The following KLHDC10 variants were observed in gnomAD, a reference collection of about 807,000 sequenced individuals.
KLHDC10 encodes kelch domain containing 10.
In KLHDC10, 24 loss-of-function variants were observed where a neutral mutation model predicts 56.1. That is an observed-to-expected ratio of 0.43 (90% CI 0.31 to 0.60). KLHDC10 has a LOEUF of 0.60. Among genes scored for constraint, KLHDC10 ranks in the 20% least tolerant of loss-of-function variants. KLHDC10 has a pLI of 0.11. For synonymous variants in KLHDC10, 188 were observed against 207.1 expected, an observed-to-expected ratio of 0.91 and a Z score of 0.79; for missense variants, 349 against 567.0, an observed-to-expected ratio of 0.62 and a Z score of 3.91.
intron 1 of KLHDC10, among the ~76,000 whole-genome samples, chr7:130,093,582 A>G: frequency 6.6e-6 from 1 of 152,188 alleles, no homozygotes; most frequent in Non-Finnish European, 1.5e-5. Flanking sequence ...CACTTTGAAT[A>G]TATAAAAATT....
chr7:130,081,830 T>C (rs1220437577), intron 1 of KLHDC10, among the ~76,000 whole-genome samples: 1 of 152,260 alleles, frequency 6.6e-6, no homozygotes, highest in Admixed American at 6.5e-5. Context: ...ATTTCATTTC[T>C]GCGTTGGTTT....
At chr7:130,103,449 C>A (rs979538551) in intron 2 of KLHDC10, among the ~76,000 whole-genome samples, 1 of 150,266 alleles carries the variant, frequency 6.7e-6, no homozygotes, top group South Asian at 2.1e-4. Context: ...TGAGTTTTCA[C>A]GTATAAAGGG....
intron 1 of KLHDC10, among the ~76,000 whole-genome samples, chr7:130,077,624 T>C (rs1795532141): frequency 6.8e-6 from 1 of 148,086 alleles, no homozygotes; most frequent in Admixed American, 6.7e-5. Context: ...GGCACCATCT[T>C]GGCTCACTGC....
At chr7:130,124,044 A>G (rs1198712920) in intron 5 of KLHDC10, among the ~76,000 whole-genome samples, 1 of 152,232 alleles carries the variant, frequency 6.6e-6, no homozygotes, top group Non-Finnish European at 1.5e-5. Context: ...ATCACAAAAG[A>G]TTATAGAAAA....
At chr7:130,119,461 G>A (rs905014744) in intron 3 of KLHDC10, among the ~76,000 whole-genome samples, 1 of 150,288 alleles carries the variant, frequency 6.7e-6, no homozygotes, top group African/African-American at 2.5e-5. Context: ...GCAGTAAGCC[G>A]TGATCGTGTC....
intron 1 of KLHDC10, among the ~76,000 whole-genome samples, chr7:130,076,286 C>T (rs557528342): frequency 2.6e-4 from 39 of 152,168 alleles, no homozygotes; most frequent in Middle Eastern, 6.8e-3. Context: ...GGCCATGGAC[C>T]GGTACCAGGG....
chr7:130,134,630 C>T lies in KLHDC10; in HGVS notation c.*3884C>T, dbSNP rs1251786772. ...TGTTGGTCTTCGTATTCTGTAAAAC[C>T]CATTTTTTTTTTGTGGTCTTACAGA... is the stretch of plus-strand genomic sequence containing the variant. On this transcript the variant is annotated 3_prime_UTR_variant, in exon 10 of 10. Coordinates refer to ENST00000335420, the MANE Select transcript of KLHDC10 (RefSeq NM_014997.4). 1 of 131,882 alleles carries T rather than the reference C, an allele frequency of 7.6e-6. No individual in the cohort carries two copies. The highest frequency in any genetic ancestry group is 2.5e-5 in the African/African-American group (1 of 39,972). The allele number at this position is 131,882 out of a possible 1,614,324, so 8.2% of individuals were successfully genotyped here.
Position 130,070,773 on chromosome 7 carries a change from C to G in KLHDC10, c.130C>G (p.Arg44Gly). 2 of 1,308,292 alleles carry G rather than the reference C, an allele frequency of 1.5e-6. No homozygotes were observed. Among genetic ancestry groups the G allele is most frequent in the Non-Finnish European group, 1.9e-6 (2 of 1,026,376 alleles). 81.0% of individuals were successfully genotyped at this position (1,308,292 alleles called of 1,614,324 possible). The change falls in exon 1 of 10, where the codon CGC becomes GGC. Residue 44 changes from arginine to glycine, a missense_variant. Transcript: ENST00000335420. ...SGGRGTGQLN[R>G]FVQLSGRPHL... The stretch of plus-strand genomic sequence containing the variant: ...GGGTCGGGGGACTGGCCAGCTCAAC[C>G]GCTTCGTGCAACTCTCCGGGCGGCC...
rs943430933 is a variant in KLHDC10, at chr7:130,131,340, C to T, written c.*594C>T. On this transcript the variant is annotated 3_prime_UTR_variant, in exon 10 of 10. Coordinates refer to ENST00000335420, the MANE Select transcript of KLHDC10 (RefSeq NM_014997.4). ...TGTTGCACAGATAACTCAAACCTACCCTTTGGCTTTGAAGGAAGGTTAAGC... is the reference window on the plus strand; with the variant it reads ...TGTTGCACAGATAACTCAAACCTACTCTTTGGCTTTGAAGGAAGGTTAAGC... 2 of 152,804 alleles carry T rather than the reference C, an allele frequency of 1.3e-5. No homozygotes were observed. The highest frequency in any genetic ancestry group is 2.9e-5 in the Non-Finnish European group (2 of 68,538). The allele number at this position is 152,804 out of a possible 1,614,324, so 9.5% of individuals were successfully genotyped here.
In KLHDC10 at chr7:130,099,563, C is replaced by A. The variant is rs1795901189; in HGVS notation, c.253+2556C>A. On this transcript the variant is annotated intron_variant, in intron 2 of 9. Transcript: ENST00000335420. ...TGCTTAAAGGCTGAGTAGGTGTCAG[C>A]AAAGGAGGGTTGGATCCTCTCAAAC... Among the ~76,000 whole-genome samples the A allele has an allele frequency of 2.6e-5, 4 of 152,194 alleles. No individual in the cohort carries two copies. The South Asian group carries it at 8.3e-4, about 32-fold the overall frequency.
At chr7:130,101,569 A>G (rs906608844) in intron 2 of KLHDC10, among the ~76,000 whole-genome samples, 2 of 152,118 alleles carry the variant, frequency 1.3e-5, no homozygotes, top group African/African-American at 4.8e-5. Context: ...CACATAAAGC[A>G]CCCTAGCAAT....
chr7:130,123,170 C>A (rs990571889), intron 5 of KLHDC10, among the ~76,000 whole-genome samples: 4 of 152,196 alleles, frequency 2.6e-5, no homozygotes, highest in African/African-American at 9.6e-5. Flanking sequence ...ATAGCAGTTG[C>A]CTCTTCATAG....
intron 1 of KLHDC10, among the ~76,000 whole-genome samples, chr7:130,076,559 T>G (rs1317399072): frequency 6.6e-6 from 1 of 152,206 alleles, no homozygotes; most frequent in East Asian, 1.9e-4. Flanking sequence ...AAATTAAATA[T>G]TCTTGTGTTT....
At position 130,130,981 on chromosome 7, in the gene KLHDC10, A is replaced by G; in HGVS notation, c.*235A>G. The G allele has an allele frequency of 2.1e-6, 1 of 482,866 alleles. No individual in the cohort carries two copies. Among genetic ancestry groups the G allele is most frequent in the East Asian group, 3.4e-5 (1 of 29,152 alleles). 29.9% of individuals were successfully genotyped at this position (482,866 alleles called of 1,614,324 possible). ...TGACCCATTACATGCACATGTACTC[A>G]CATACTCCCTCTTCCTTCTCGATGG... On this transcript the variant is annotated 3_prime_UTR_variant, in exon 10 of 10. Transcript: ENST00000335420. The surrounding 1 kb of genome is among the most constrained non-coding windows in gnomAD (Gnocchi z 4.2).
chr7:130,120,804 A>T lies in KLHDC10; in HGVS notation c.531A>T (p.Gly177=), dbSNP rs2116909395. The change falls in exon 4 of 10, where the codon GGA becomes GGT. Residue 177 remains glycine, a synonymous_variant. Transcript: ENST00000335420. This position sits in a 1 kb window ranked among gnomAD's most constrained non-coding sequence, Gnocchi z 5.1. Reference sequence around the variant, plus strand: ...TTGGAGGTACGGGCATCCCATTTGGAGAGAGCAACGGCAATGACGTCCATG... The same window carrying T: ...TTGGAGGTACGGGCATCCCATTTGGTGAGAGCAACGGCAATGACGTCCATG... The part of the protein sequence containing the change: ...LVFGGTGIPF[G]ESNGNDVHVC... The T allele has an allele frequency of 6.2e-7, 1 of 1,614,154 alleles. No individual in the cohort carries two copies. Among genetic ancestry groups the T allele is most frequent in the Non-Finnish European group, 8.5e-7 (1 of 1,180,006 alleles).
intron 1 of KLHDC10, among the ~76,000 whole-genome samples, chr7:130,091,207 G>A (rs1045082606): frequency 2.6e-5 from 4 of 152,166 alleles, no homozygotes; most frequent in African/African-American, 9.7e-5. Context: ...GGCCAAGAAT[G>A]TAATTGTTGA....
rs1046079984 is a variant in KLHDC10 at position 130,134,435 on chromosome 7, C to T, written c.*3689C>T. ...ACCACCAAAGAACTCTTAGTACCTA[C>T]GGGAAGGAAAAGCTGTGTGCGACAC... On this transcript the variant is annotated 3_prime_UTR_variant, in exon 10 of 10. Transcript: ENST00000335420. 6.6e-6 allele frequency: 1 copy of T among 152,182 alleles called. No homozygotes were observed. Among genetic ancestry groups the T allele is most frequent in the Non-Finnish European group, 1.5e-5 (1 of 68,038 alleles). The allele number at this position is 152,182 out of a possible 1,614,324, so 9.4% of individuals were successfully genotyped here. A position where few individuals can be genotyped will look rare whatever the true frequency, so the allele number is the denominator to read the frequency against.
intron 1 of KLHDC10, chr7:130,094,885 G>A (rs1795828045): frequency 6.6e-6 from 1 of 152,084 alleles, no homozygotes; most frequent in Non-Finnish European, 1.5e-5. Flanking sequence ...ATCTATGATT[G>A]TTTCTTTAGG....
rs1796402826 is a variant in KLHDC10 at position 130,131,655 on chromosome 7, T to G, written c.*909T>G. ...TATGTGGTGTAAATGCCATGTAACA[T>G]GAACACAAGCTCCCGAGGGAGGCCA... is the stretch of plus-strand genomic sequence containing the variant. On this transcript the variant is annotated 3_prime_UTR_variant, in exon 10 of 10. Transcript: ENST00000335420. The G allele has an allele frequency of 6.6e-6, 1 of 152,234 alleles. No homozygotes were observed. The highest frequency in any genetic ancestry group is 2.1e-4 in the South Asian group (1 of 4,832). 9.4% of individuals were successfully genotyped at this position (152,234 alleles called of 1,614,324 possible).
Sources: gnomAD v4.1 joint callset for allele counts (sites outside exome capture counted in the v4.1 genomes callset) on GRCh38, gnomAD v4.1.1 for gene constraint, Gnocchi (gnomAD v3.1) non-coding constraint, MANE v1.5 for transcripts, NCBI Gene and HGNC (gene_info 2026-07-23, HGNC 2026-07-21) for gene names.